The following SARNP variants were observed in gnomAD, a reference collection of about 807,000 sequenced individuals.
The protein encoded by SARNP is SAP domain containing ribonucleoprotein.
Under a neutral mutation model 38.1 loss-of-function variants are expected in SARNP, and 5 were observed. The observed-to-expected ratio is 0.13, with a 90% CI of 0.07 to 0.28. SARNP has a LOEUF of 0.28. SARNP is among the 10% of genes least tolerant of loss of function. The pLI, the probability that SARNP is intolerant of heterozygous loss-of-function variation, is 1.00. For missense variants in SARNP, 180 were observed against 243.9 expected, an observed-to-expected ratio of 0.74 and a Z score of 1.75; for synonymous variants, 84 against 80.6, an observed-to-expected ratio of 1.04 and a Z score of -0.23.
chr12:55,817,299 G>T (rs921885717), intron 1 of SARNP, among the ~76,000 whole-genome samples: 1 of 152,180 alleles, frequency 6.6e-6, no homozygotes, highest in Non-Finnish European at 1.5e-5. Flanking sequence ...TCATCCCAGG[G>T]AAGAAAAACG....
intron 9 of SARNP, chr12:55,761,727 T>C (rs1263401853): frequency 2.6e-5 from 4 of 152,172 alleles, no homozygotes; most frequent in Admixed American, 2.6e-4. Context: ...ACAGTTATTT[T>C]CTCTTTCTCC....
chr12:55,761,667 A>G (rs916411132), intron 9 of SARNP: 9 of 152,178 alleles, frequency 5.9e-5, no homozygotes, highest in African/African-American at 1.9e-4. Flanking sequence ...AAGAGTCTAT[A>G]TATTTTCCTA....
chr12:55,776,353 G>A (rs1452706917), intron 9 of SARNP, among the ~76,000 whole-genome samples: 1 of 152,092 alleles, frequency 6.6e-6, no homozygotes, highest in Non-Finnish European at 1.5e-5. Flanking sequence ...GATTACTTGA[G>A]CCTAGGAGGT....
chr12:55,796,156 G>C, intron 4 of SARNP, 80 bp from the exon 5 acceptor site: 1 of 999,996 alleles, frequency 1.0e-6, no homozygotes, highest in East Asian at 2.4e-5. Context: ...GAATTCACCT[G>C]AGTCACCATT....
intron 2 of SARNP, among the ~76,000 whole-genome samples, chr12:55,802,416 C>T (rs12582078): frequency 1.3e-4 from 20 of 151,760 alleles, no homozygotes; most frequent in South Asian, 4.2e-4. Context: ...AATTCAAAAC[C>T]TAAAATGCTC....
At chr12:55,805,911 C>A (rs1417576466) in intron 1 of SARNP, among the ~76,000 whole-genome samples, 1 of 151,870 alleles carries the variant, frequency 6.6e-6, no homozygotes, top group Non-Finnish European at 1.5e-5. Flanking sequence ...GTGGCACATG[C>A]CTGTAATCCC....
chr12:55,794,283 G>T, intron 7 of SARNP, 76 bp downstream of exon 7: 1 of 1,270,834 alleles, frequency 7.9e-7, no homozygotes. Context: ...ACCTTATTTT[G>T]GAGAAATAAA....
rs532158346 is a variant in SARNP at position 55,760,708 on chromosome 12, T to C, written c.502-68A>G. Reference sequence around the variant, plus strand: ...ATTCACCAAGTAAATGGGAATGAAATGATAACTTATTGGTCACAAGGTGCT... The same window carrying C: ...ATTCACCAAGTAAATGGGAATGAAACGATAACTTATTGGTCACAAGGTGCT... On this transcript the variant is annotated intron_variant, in intron 9 of 10. Transcript: ENST00000336133. 14 of 1,072,314 alleles carry C rather than the reference T, an allele frequency of 1.3e-5. No homozygotes were observed. The East Asian group carries it at 2.6e-4, about 20-fold the overall frequency. 66.4% of individuals were successfully genotyped at this position (1,072,314 alleles called of 1,614,324 possible).
At chr12:55,780,043 G>A (rs371059634) in intron 9 of SARNP, among the ~76,000 whole-genome samples, 1 of 152,212 alleles carries the variant, frequency 6.6e-6, no homozygotes, top group Non-Finnish European at 1.5e-5. Context: ...AGCTACTCAG[G>A]AGGCTGAGGT....
At chr12:55,802,802 T>C (rs1415457212) in intron 2 of SARNP, among the ~76,000 whole-genome samples, 1 of 151,272 alleles carries the variant, frequency 6.6e-6, no homozygotes, top group South Asian at 2.1e-4. Flanking sequence ...TTGGTGGCAA[T>C]AAAATTTTCT....
chr12:55,805,914 G>A (rs1880124975), intron 1 of SARNP, among the ~76,000 whole-genome samples: 1 of 151,892 alleles, frequency 6.6e-6, no homozygotes, highest in Admixed American at 6.6e-5. Context: ...GCACATGCCT[G>A]TAATCCCAGC....
chr12:55,757,618 G>T, intron 10 of SARNP, 65 bp from the exon 11 acceptor site: 1 of 1,327,150 alleles, frequency 7.5e-7, no homozygotes, highest in Non-Finnish European at 1.1e-6. Flanking sequence ...GTTCCTGGCT[G>T]CTTTAATCCA....
chr12:55,763,152 T>C (rs1260475209), intron 9 of SARNP, among the ~76,000 whole-genome samples: 1 of 152,172 alleles, frequency 6.6e-6, no homozygotes, highest in Non-Finnish European at 1.5e-5. Context: ...TGAACTATTG[T>C]AAAAACATTA....
intron 2 of SARNP, 81 bp downstream of exon 2, chr12:55,803,548 A>G (rs1410384528): frequency 3.3e-5 from 12 of 364,896 alleles, no homozygotes; most frequent in Admixed American, 1.0e-4. Context: ...TAATGACCTG[A>G]AAAAAAAAAA....
chr12:55,782,387 G>A (rs1028922536), intron 9 of SARNP, among the ~76,000 whole-genome samples: 1 of 152,096 alleles, frequency 6.6e-6, no homozygotes, highest in African/African-American at 2.4e-5. Context: ...TTCCTATAAT[G>A]TCCTAAAGTA....
At chr12:55,758,469 A>G (rs889364239) in intron 10 of SARNP, among the ~76,000 whole-genome samples, 1 of 151,846 alleles carries the variant, frequency 6.6e-6, no homozygotes, top group Non-Finnish European at 1.5e-5. Context: ...ACACGGTAAA[A>G]CCCCGTCTCT....
chr12:55,808,459 A>G (rs1365908227), intron 1 of SARNP, among the ~76,000 whole-genome samples: 1 of 151,992 alleles, frequency 6.6e-6, no homozygotes. Context: ...GGGATTACAC[A>G]CACGCGCCAC....
At chr12:55,798,053 C>CT (rs1489209576) in intron 4 of SARNP, among the ~76,000 whole-genome samples, 2 of 152,190 alleles carry the variant, frequency 1.3e-5, no homozygotes, top group Non-Finnish European at 2.9e-5. Flanking sequence ...ACTTGATCTT[C>CT]TTTCTTGTTC....
At chr12:55,793,988 T>G (rs1466565796) in intron 7 of SARNP, 2 of 208,114 alleles carry the variant, frequency 9.6e-6, no homozygotes, top group Non-Finnish European at 9.6e-6. Flanking sequence ...GTAAAACTGT[T>G]AAGGTAGAAG....
Sources: gnomAD v4.1 joint callset for allele counts (sites outside exome capture counted in the v4.1 genomes callset) on GRCh38, gnomAD v4.1.1 for gene constraint, MANE v1.5 for transcripts, NCBI Gene and HGNC (gene_info 2026-07-23, HGNC 2026-07-21) for gene names.